The following DRC9 variants were observed in gnomAD, a reference collection of about 807,000 sequenced individuals.
DRC9 encodes dynein regulatory complex subunit 9, also known as dynein regulatory complex protein 9.
chr3:197,931,770 G>A, the DRC9 span, among the ~76,000 whole-genome samples: 1 of 151,494 alleles, frequency 6.6e-6, no homozygotes, highest in East Asian at 2.0e-4. Context: ...GACTACAGGC[G>A]CCCGCCACCA....
chr3:197,894,581 GA>G, the DRC9 span: 1 of 152,164 alleles, frequency 6.6e-6, no homozygotes. Flanking sequence ...GCGCAAGAGT[GA>G]CACACAGATT....
the DRC9 span, chr3:197,938,996 G>A: frequency 3.7e-6 from 2 of 541,918 alleles, no homozygotes; most frequent in Non-Finnish European, 6.5e-6. Flanking sequence ...CTTACCACCT[G>A]GTACACTCTG....
the DRC9 span, among the ~76,000 whole-genome samples, chr3:197,904,081 T>TAC: frequency 9.0e-6 from 1 of 110,500 alleles, no homozygotes; most frequent in Admixed American, 8.3e-5. Flanking sequence ...CATATATATA[T>TAC]ACATACATAT....
the DRC9 span, chr3:197,889,429 A>C: frequency 1.1e-6 from 1 of 877,520 alleles, no homozygotes; most frequent in African/African-American, 1.7e-5. Context: ...GAGTGAAATT[A>C]ACAGGCAAAG....
At chr3:197,952,734 T>TC in the DRC9 span, 1 of 152,098 alleles carries the variant, frequency 6.6e-6, no homozygotes, top group Non-Finnish European at 1.5e-5. Flanking sequence ...CCTCAAGTAA[T>TC]CCACCTGCCT....
At chr3:197,899,635 G>A in the DRC9 span, among the ~76,000 whole-genome samples, 1 of 152,024 alleles carries the variant, frequency 6.6e-6, no homozygotes, top group Non-Finnish European at 1.5e-5. Context: ...AAATAAGGGA[G>A]AGATAAGATA....
the DRC9 span, chr3:197,932,342 A>G: frequency 6.3e-7 from 1 of 1,578,342 alleles, no homozygotes; most frequent in Non-Finnish European, 8.7e-7. Flanking sequence ...GAGTTAATAA[A>G]TTCTATTTTC....
the DRC9 span, among the ~76,000 whole-genome samples, chr3:197,917,947 C>G: frequency 1.3e-5 from 2 of 152,022 alleles, no homozygotes; most frequent in East Asian, 3.9e-4. Flanking sequence ...GTTGGCCAGG[C>G]TGGTCTCCAG....
At chr3:197,945,597 A>C in the DRC9 span, 8 of 1,537,870 alleles carry the variant, frequency 5.2e-6, no homozygotes, top group Non-Finnish European at 7.2e-6. Flanking sequence ...TGTATACAAA[A>C]AACATTGGAA....
chr3:197,892,110 A>C, the DRC9 span, among the ~76,000 whole-genome samples: 2 of 152,318 alleles, frequency 1.3e-5, no homozygotes, highest in African/African-American at 4.8e-5. Flanking sequence ...GGCTGGTCTC[A>C]AACTCCTGAT....
chr3:197,951,760 G>A, the DRC9 span: 95 of 183,344 alleles, frequency 5.2e-4, no homozygotes, highest in African/African-American at 2.1e-3. Context: ...GGGCAGTAGC[G>A]CGATCTTGGC....
the DRC9 span, among the ~76,000 whole-genome samples, chr3:197,898,288 G>C: frequency 6.6e-6 from 1 of 152,120 alleles, no homozygotes; most frequent in Non-Finnish European, 1.5e-5. Context: ...CATTTGGAAA[G>C]GAATGACAAT....
chr3:197,893,357 CAA>C, the DRC9 span, among the ~76,000 whole-genome samples: 4 of 43,268 alleles, frequency 9.2e-5, no homozygotes, highest in Non-Finnish European at 1.3e-4. Context: ...AACTCCGTCT[CAA>C]AAAAAAAAAA....
At chr3:197,950,675 CT>C in the DRC9 span, 1 of 524,340 alleles carries the variant, frequency 1.9e-6, no homozygotes, top group East Asian at 3.2e-5. Flanking sequence ...TTTTCTCAGG[CT>C]TTTCTGAGAG....
At chr3:197,943,891 A>G in the DRC9 span, 1 of 1,614,090 alleles carries the variant, frequency 6.2e-7, no homozygotes, top group South Asian at 1.1e-5. Flanking sequence ...TCTGGAAGGG[A>G]CAGTGGCTCT....
the DRC9 span, among the ~76,000 whole-genome samples, chr3:197,947,928 C>CTTTTTTTTTT: frequency 2.1e-5 from 2 of 96,770 alleles, no homozygotes; most frequent in Non-Finnish European, 3.9e-5. Context: ...CCTGCTTTAC[C>CTTTTTTTTTT]TTTTTTTTTT....
chr3:197,943,972 T>C, the DRC9 span: 4 of 1,614,074 alleles, frequency 2.5e-6, no homozygotes, highest in Non-Finnish European at 3.4e-6. Context: ...TCTACGGTAC[T>C]AGGTGGTTCG....
the DRC9 span, among the ~76,000 whole-genome samples, chr3:197,923,193 A>T: frequency 6.6e-6 from 1 of 152,188 alleles, no homozygotes; most frequent in Non-Finnish European, 1.5e-5. Flanking sequence ...ACCACAGCTC[A>T]CTGCAGCCTC....
the DRC9 span, among the ~76,000 whole-genome samples, chr3:197,935,214 G>GCAT: frequency 1.3e-4 from 20 of 152,108 alleles, no homozygotes; most frequent in African/African-American, 4.8e-4. Flanking sequence ...ACTGAGGCGG[G>GCAT]CGGATCACCT....
Sources: allele counts gnomAD v4.1 joint callset (sites outside exome capture counted in the v4.1 genomes callset), GRCh38; gene constraint gnomAD v4.1.1; transcripts MANE v1.5; gene names NCBI Gene and HGNC (gene_info 2026-07-23, HGNC 2026-07-21).